CNNM1: variants seen among roughly 807,000 people sequenced by gnomAD.
The protein encoded by CNNM1 is cyclin and CBS domain divalent metal cation transport mediator 1.
Under a neutral mutation model 78.8 loss-of-function variants are expected in CNNM1, and 44 were observed. The ratio of observed to expected loss-of-function variants is 0.56; its 90% CI spans 0.44 to 0.72. The LOEUF is 0.72. Ranked by LOEUF, CNNM1 falls within the 30% of genes least tolerant of loss-of-function variation. The probability of loss-of-function intolerance (pLI) is 0.00; values close to 1 mark genes in which losing one functional copy is unlikely to be tolerated. For missense variants in CNNM1, 1,101 were observed against 1,292.2 expected (o/e 0.85, Z 2.27); for synonymous variants, 584 against 581.5 (o/e 1.00, Z -0.06).
At chr10:99,354,757 A>T (rs1021143245) in intron 1 of CNNM1, among the ~76,000 whole-genome samples, 1 of 152,138 alleles carries the variant, frequency 6.6e-6, no homozygotes, top group Non-Finnish European at 1.5e-5. Context: ...AATGGTGGTA[A>T]CCTGGTATGC....
rs149823442 is a variant in CNNM1, at chr10:99,387,770, C to T, written c.2341-50C>T. The T allele has an allele frequency of 4.3e-3, 6,482 of 1,500,876 alleles. 16 individuals carry two copies. Among genetic ancestry groups the T allele is most frequent in the Non-Finnish European group, 5.3e-3 (5,959 of 1,120,688 alleles). 93.0% of individuals were successfully genotyped at this position (1,500,876 alleles called of 1,614,324 possible). A position where few individuals can be genotyped will look rare whatever the true frequency, so the allele number is the denominator to read the frequency against. On this transcript the variant is annotated intron_variant, in intron 7 of 10. Transcript: ENST00000356713. Reference sequence around the variant, plus strand: ...CGAGCCTGGGAAGGCTGGCTGCATCCGGGTGGTCTCTGCCTAGCTGCTCCT... The same window carrying T: ...CGAGCCTGGGAAGGCTGGCTGCATCTGGGTGGTCTCTGCCTAGCTGCTCCT...
At chr10:99,391,069 C>CTA (rs955745406) in intron 10 of CNNM1, among the ~76,000 whole-genome samples, 3 of 152,234 alleles carry the variant, frequency 2.0e-5, no homozygotes, top group African/African-American at 7.2e-5. Context: ...ACATCAAAGT[C>CTA]TATGAGATTG....
intron 7 of CNNM1, among the ~76,000 whole-genome samples, chr10:99,379,944 G>T (rs1024722090): frequency 1.3e-5 from 2 of 152,002 alleles, no homozygotes; most frequent in Non-Finnish European, 2.9e-5. Flanking sequence ...TCTGATGAAG[G>T]CTCACTACCT....
chr10:99,354,863 G>A (rs905724314), intron 1 of CNNM1, among the ~76,000 whole-genome samples: 4 of 152,148 alleles, frequency 2.6e-5, no homozygotes, highest in African/African-American at 9.7e-5. Flanking sequence ...CCAAACTAAT[G>A]AGCCTGGACT....
intron 6 of CNNM1, among the ~76,000 whole-genome samples, chr10:99,369,738 A>G (rs1262222188): frequency 1.3e-5 from 2 of 152,112 alleles, no homozygotes; most frequent in Non-Finnish European, 2.9e-5. Flanking sequence ...ACTAAGAAAT[A>G]GTTTTTCTTG....
At chr10:99,368,619 G>C (rs2031700560) in intron 6 of CNNM1, 1 of 1,289,472 alleles carries the variant, frequency 7.8e-7, no homozygotes, top group South Asian at 1.2e-5. Context: ...ACTCTTTAGT[G>C]CCTGTCTCTG....
At position 99,340,216 on chromosome 10, in the gene CNNM1, T is replaced by A. The variant is rs189762783; in HGVS notation, c.1573+9256T>A. On this transcript the variant is annotated intron_variant, in intron 1 of 10. Coordinates refer to ENST00000356713, the MANE Select transcript of CNNM1 (RefSeq NM_020348.3). The stretch of plus-strand genomic sequence containing the variant: ...ATTGTTATAATGTTGTTATGTTCAT[T>A]TTTTTCCAGCCTGGCAAAAGAAATG... Among the ~76,000 whole-genome samples the A allele has an allele frequency of 1.2e-3, 184 of 152,294 alleles. 3 individuals carry two copies. The highest frequency in any genetic ancestry group is 4.1e-3 in the African/African-American group (171 of 41,568).
chr10:99,363,564 C>T (rs182756508), intron 4 of CNNM1, among the ~76,000 whole-genome samples: 2 of 152,084 alleles, frequency 1.3e-5, no homozygotes, highest in East Asian at 3.9e-4. Flanking sequence ...AATTGAGTTC[C>T]CTGTAAATCA....
chr10:99,369,962 C>A lies in CNNM1; in HGVS notation c.2176+4960C>A, dbSNP rs527867845. ...AGGTTCAGAGGAAAGGGGAGATGCA[C>A]ATTTTAAAAGACTTTCAGCCCAAAA... On this transcript the variant is annotated intron_variant, in intron 6 of 10. Coordinates refer to ENST00000356713, the MANE Select transcript of CNNM1 (RefSeq NM_020348.3). Among the ~76,000 whole-genome samples the A allele has an allele frequency of 2.0e-5, 3 of 152,298 alleles. No individual in the cohort carries two copies. In the East Asian group the frequency reaches 5.8e-4, roughly 29 times the overall value.
At chr10:99,362,507 A>G (rs2031473897) in intron 4 of CNNM1, 111 bp downstream of exon 4, 4 of 1,097,812 alleles carry the variant, frequency 3.6e-6, no homozygotes, top group Non-Finnish European at 5.2e-6. Flanking sequence ...TGGCTGCCTC[A>G]GCAACAAGGC....
At chr10:99,359,346 C>G (rs1241706315) in intron 2 of CNNM1, among the ~76,000 whole-genome samples, 2 of 152,146 alleles carry the variant, frequency 1.3e-5, no homozygotes. Context: ...TACTCTTTTG[C>G]TGAGTGATCC....
At chr10:99,388,130 A>G (rs777655324) in intron 8 of CNNM1, 22 bp from the exon 9 acceptor site, 10 of 1,613,240 alleles carry the variant, frequency 6.2e-6, no homozygotes, top group Non-Finnish European at 7.6e-6. Context: ...CAGAGAGGTG[A>G]TGCACTCACT....
intron 4 of CNNM1, 43 bp from the exon 5 acceptor site, chr10:99,364,374 G>T: frequency 6.9e-7 from 1 of 1,443,076 alleles, no homozygotes. Flanking sequence ...AACTGGAAGT[G>T]CTCATACACA....
intron 1 of CNNM1, among the ~76,000 whole-genome samples, chr10:99,348,020 A>G (rs1322122981): frequency 7.0e-6 from 1 of 141,864 alleles, no homozygotes; most frequent in Non-Finnish European, 1.5e-5. Flanking sequence ...TATATATATG[A>G]TGTGTGTGTG....
At chr10:99,343,714 T>C (rs1030014295) in intron 1 of CNNM1, among the ~76,000 whole-genome samples, 2 of 151,934 alleles carry the variant, frequency 1.3e-5, no homozygotes, top group Non-Finnish European at 2.9e-5. Flanking sequence ...TTTTTTGTTT[T>C]GTTTTGTTTT....
At chr10:99,332,079 C>T (rs776724929) in intron 1 of CNNM1, among the ~76,000 whole-genome samples, 5 of 152,110 alleles carry the variant, frequency 3.3e-5, no homozygotes, top group Non-Finnish European at 5.9e-5. Context: ...AGTTTGACCG[C>T]CCCCCTAGTT....
chr10:99,362,349 C>T lies in CNNM1; in HGVS notation c.1981C>T (p.Leu661Phe), dbSNP rs765346829. The T allele has an allele frequency of 6.2e-7, 1 of 1,613,986 alleles. No individual in the cohort carries two copies. The highest frequency in any genetic ancestry group is 1.1e-5 in the South Asian group (1 of 91,078). ...EKNKKAPEHY[L>F]YQRNRPVDYF... ...GAACAAGAAGGCCCCGGAACACTACCTCTACCAGCGCAACCGCCCTGTGGA... is the reference window on the plus strand; with the variant it reads ...GAACAAGAAGGCCCCGGAACACTACTTCTACCAGCGCAACCGCCCTGTGGA... The change falls in exon 4 of 11, where the codon CTC (leucine) becomes TTC (phenylalanine). Residue 661 changes from leucine (L) to phenylalanine (F), a missense_variant. Physicochemically the swap from Leu to Phe is conservative, Grantham distance 22. This residue lies in a region of CNNM1 where 348 missense variants were observed against 384.5 expected (regional missense o/e 0.90). Transcript: ENST00000356713.
At chr10:99,378,264 T>G (rs750534494) in intron 7 of CNNM1, among the ~76,000 whole-genome samples, 19 of 152,184 alleles carry the variant, frequency 1.2e-4, no homozygotes, top group Non-Finnish European at 2.1e-4. Flanking sequence ...GCCCAGCCTG[T>G]TTTGTTTCCT....
chr10:99,388,299 C>T lies in CNNM1; in HGVS notation c.2672C>T (p.Ala891Val). ...TLSPAAVPTR[A>V]ASDSECCNIN... The stretch of plus-strand genomic sequence containing the variant: ...TCTCCTGCAGCCGTTCCCACGAGAG[C>T]AGGTCAGGGAGGCCAGCTGGGCCCA... The change falls in exon 9 of 11, where the codon GCA becomes GTA. Residue 891 changes from alanine to valine, a missense_variant and splice_region_variant. Ala to Val is a moderately conservative substitution (Grantham distance 64). Coordinates refer to ENST00000356713, the MANE Select transcript of CNNM1 (RefSeq NM_020348.3). The T allele has an allele frequency of 6.2e-7, 1 of 1,613,202 alleles. No homozygotes were observed. Among genetic ancestry groups the T allele is most frequent in the Non-Finnish European group, 8.5e-7 (1 of 1,179,656 alleles).
Sources: gnomAD v4.1 joint callset for allele counts (sites outside exome capture counted in the v4.1 genomes callset) on GRCh38, gnomAD v4.1.1 for gene constraint, gnomAD v4.1.1 regional missense constraint, MANE v1.5 for transcripts, NCBI Gene and HGNC (gene_info 2026-07-23, HGNC 2026-07-21) for gene names.